Variants in ZNF608 observed in about 807,000 individuals in gnomAD.
ZNF608 encodes the protein renal carcinoma antigen NY-REN-36.
In ZNF608, 12 loss-of-function variants were observed where a neutral mutation model predicts 109.0. The ratio of observed to expected loss-of-function variants is 0.11; its 90% CI spans 0.07 to 0.18. The LOEUF (loss-of-function observed/expected upper bound fraction) is 0.18, where lower values mean the gene tolerates loss of function less well. Ranked by LOEUF, ZNF608 falls within the 10% of genes least tolerant of loss-of-function variation. ZNF608 has a pLI of 1.00. For synonymous variants in ZNF608, 732 were observed against 717.4 expected, an observed-to-expected ratio of 1.02 and a Z score of -0.33; for missense variants, 1,707 against 1,879.3, an observed-to-expected ratio of 0.91 and a Z score of 1.70.
At chr5:124,657,163 A>G (rs1340990100) in intron 3 of ZNF608, among the ~76,000 whole-genome samples, 1 of 152,156 alleles carries the variant, frequency 6.6e-6, no homozygotes, top group Non-Finnish European at 1.5e-5. Flanking sequence ...ATGGCCTGTT[A>G]AGGAGTCTTG....
intron 3 of ZNF608, among the ~76,000 whole-genome samples, chr5:124,696,823 A>G (rs1382967302): frequency 1.3e-5 from 2 of 152,208 alleles, no homozygotes; most frequent in Non-Finnish European, 2.9e-5. Context: ...TCTTCCTTAC[A>G]GAGAAAAAGT....
chr5:124,660,575 C>A (rs1180978030), intron 3 of ZNF608, among the ~76,000 whole-genome samples: 1 of 152,162 alleles, frequency 6.6e-6, no homozygotes, highest in Non-Finnish European at 1.5e-5. Flanking sequence ...ACCCTAAGCA[C>A]CTGAAAGCAT....
chr5:124,686,797 C>T (rs1431367525), intron 3 of ZNF608, among the ~76,000 whole-genome samples: 1 of 152,172 alleles, frequency 6.6e-6, no homozygotes, highest in Non-Finnish European at 1.5e-5. Flanking sequence ...ATCCACAAGA[C>T]AGTATACAAA....
At chr5:124,714,466 T>C (rs978844109) in intron 2 of ZNF608, among the ~76,000 whole-genome samples, 1 of 152,206 alleles carries the variant, frequency 6.6e-6, no homozygotes, top group African/African-American at 2.4e-5. Context: ...GTCTCACTAA[T>C]GCTTTTGAAC....
chr5:124,680,228 T>C (rs1403527965), intron 3 of ZNF608, among the ~76,000 whole-genome samples: 1 of 152,144 alleles, frequency 6.6e-6, no homozygotes, highest in East Asian at 1.9e-4. Context: ...GCACATTCCA[T>C]ATTGACTGAA....
At chr5:124,662,413 G>A (rs547392006) in intron 3 of ZNF608, among the ~76,000 whole-genome samples, 1 of 152,366 alleles carries the variant, frequency 6.6e-6, no homozygotes, top group Admixed American at 6.5e-5. Context: ...AGCCCTCTCA[G>A]AAGAGGCAGG....
rs777091515 is a variant in ZNF608, at chr5:124,641,396, T to C, written c.4306A>G (p.Lys1436Glu). 3.1e-6 allele frequency: 5 copies of C among 1,610,590 alleles called. No homozygotes were observed. Among genetic ancestry groups the C allele is most frequent in the East Asian group, 2.2e-5 (1 of 44,806 alleles). The change falls in exon 8 of 10, where the codon AAG becomes GAG. Residue 1436 changes from lysine to glutamate, a missense_variant. Physicochemically the swap from Lys to Glu is moderately conservative, Grantham distance 56. Transcript: ENST00000513986. The part of the protein sequence containing the change: ...YRSKSPAPVE[K>E]ATAEREREAE... ...TCCCGTTCCCGCTCAGCTGTAGCCTTTTCCACAGGCTGCAACAGAAAAGAG... is the reference window on the plus strand; with the variant it reads ...TCCCGTTCCCGCTCAGCTGTAGCCTCTTCCACAGGCTGCAACAGAAAAGAG...
intron 2 of ZNF608, among the ~76,000 whole-genome samples, chr5:124,706,920 G>C (rs1753283578): frequency 2.0e-5 from 3 of 152,210 alleles, no homozygotes; most frequent in African/African-American, 7.2e-5. Flanking sequence ...CATGGGAGGG[G>C]GAGCAGGGAG....
Position 124,670,333 on chromosome 5 carries a change from C to CTT in ZNF608, c.1163-20638_1163-20637dup, listed in dbSNP as rs199562758. 1.4e-4 allele frequency among the ~76,000 whole-genome samples: 21 copies of CTT among 147,582 alleles called. No individual in the cohort carries two copies. In the South Asian group the frequency reaches 3.2e-3, roughly 23 times the overall value. On this transcript the variant is annotated intron_variant, in intron 3 of 9. Transcript: ENST00000513986. ...ACAAGTGCAGCTATCCTTTTTCTTT[C>CTT]TTTCTTTTTTTTTTTAATGGAAAGG...
At chr5:124,716,196 C>A (rs901992753) in intron 2 of ZNF608, among the ~76,000 whole-genome samples, 1 of 147,850 alleles carries the variant, frequency 6.8e-6, no homozygotes, top group Non-Finnish European at 1.5e-5. Flanking sequence ...AGTTGCTTTA[C>A]GTATCAAAAC....
At chr5:124,675,595 G>A (rs1751912748) in intron 3 of ZNF608, among the ~76,000 whole-genome samples, 2 of 152,124 alleles carry the variant, frequency 1.3e-5, no homozygotes, top group African/African-American at 4.8e-5. Flanking sequence ...TTTATAGACA[G>A]AAAAATAAGG....
intron 2 of ZNF608, among the ~76,000 whole-genome samples, chr5:124,712,382 T>C (rs1753532987): frequency 6.6e-6 from 1 of 152,062 alleles, no homozygotes; most frequent in African/African-American, 2.4e-5. Context: ...ATTAGATCAT[T>C]CTAGATCATC....
At position 124,646,659 on chromosome 5, in the gene ZNF608, G is replaced by T. The variant is rs185094706; in HGVS notation, c.3705+20C>A. 5.0e-6 allele frequency: 8 copies of T among 1,598,976 alleles called. No homozygotes were observed. In the East Asian group the frequency reaches 1.8e-4, roughly 36 times the overall value. Reference sequence around the variant, plus strand: ...CTCAGACTGCTCTCTCCCTGTTGGGGCCACGCTCCACAATCTTACTTGTTT... The same window carrying T: ...CTCAGACTGCTCTCTCCCTGTTGGGTCCACGCTCCACAATCTTACTTGTTT... On this transcript the variant is annotated intron_variant, in intron 5 of 9. Transcript: ENST00000513986.
chr5:124,736,053 A>AC (rs1193685909), intron 2 of ZNF608, among the ~76,000 whole-genome samples: 3 of 151,844 alleles, frequency 2.0e-5, no homozygotes, highest in Admixed American at 6.6e-5. Flanking sequence ...AAAAAAAAAA[A>AC]CATGTTTAAT....
intron 3 of ZNF608, among the ~76,000 whole-genome samples, chr5:124,693,135 G>T (rs779087186): frequency 6.6e-6 from 1 of 152,232 alleles, no homozygotes; most frequent in East Asian, 1.9e-4. Context: ...TACACCTTAA[G>T]TGCGTAGATT....
intron 4 of ZNF608, 28 bp downstream of exon 4, chr5:124,649,582 G>A: frequency 6.4e-7 from 1 of 1,556,590 alleles, no homozygotes; most frequent in Non-Finnish European, 8.8e-7. Context: ...GGATGGGGAA[G>A]GAGAGAAATA....
intron 1 of ZNF608, 88 bp downstream of exon 1, chr5:124,746,107 A>G (rs1028476646): frequency 4.1e-6 from 4 of 984,368 alleles, no homozygotes; most frequent in Non-Finnish European, 4.8e-6. Flanking sequence ...TTTTAAAGGG[A>G]TCAGCCCCTT....
intron 9 of ZNF608, among the ~76,000 whole-genome samples, chr5:124,638,546 C>G (rs1189107776): frequency 1.3e-5 from 2 of 152,218 alleles, no homozygotes; most frequent in Non-Finnish European, 2.9e-5. Context: ...CATGGGCCAT[C>G]ATGCCCAGCC....
intron 3 of ZNF608, among the ~76,000 whole-genome samples, chr5:124,679,965 C>T (rs113407549): frequency 6.6e-5 from 10 of 152,220 alleles, no homozygotes; most frequent in African/African-American, 2.2e-4. Flanking sequence ...TGGCGAACAG[C>T]TCATGTTGAT....
Sources: gnomAD v4.1 joint callset for allele counts (sites outside exome capture counted in the v4.1 genomes callset) on GRCh38, gnomAD v4.1.1 for gene constraint, MANE v1.5 for transcripts, NCBI Gene and HGNC (gene_info 2026-07-23, HGNC 2026-07-21) for gene names.